TUT7: variants seen among roughly 807,000 people sequenced by gnomAD.
The protein encoded by TUT7 is terminal uridylyl transferase 7, also known as terminal uridylyltransferase 7.
TUT7 carries 33 observed loss-of-function variants against 165.9 expected under a neutral mutation model. The ratio of observed to expected loss-of-function variants is 0.20; its 90% CI spans 0.15 to 0.27. TUT7 has a LOEUF of 0.27. Ranked by LOEUF, TUT7 falls within the 10% of genes least tolerant of loss-of-function variation. The probability of loss-of-function intolerance (pLI) is 1.00; values close to 1 mark genes in which losing one functional copy is unlikely to be tolerated. For synonymous variants in TUT7, 552 were observed against 608.1 expected (o/e 0.91, Z 1.36); for missense variants, 1,338 against 1,762.3 (o/e 0.76, Z 4.31).
intron 3 of TUT7, 99 bp downstream of exon 3, chr9:86,346,200 T>A: frequency 1.7e-6 from 2 of 1,149,050 alleles, no homozygotes; most frequent in Non-Finnish European, 2.5e-6. Context: ...ATAACCAAAG[T>A]AGGATATCTA....
intron 26 of TUT7, among the ~76,000 whole-genome samples, chr9:86,297,094 TAAG>T (rs1276343904): frequency 6.6e-6 from 1 of 152,230 alleles, no homozygotes; most frequent in Non-Finnish European, 1.5e-5. Flanking sequence ...GGTTTTTTAC[TAAG>T]AAGATAATTA....
rs1213606369 is a variant in TUT7 at position 86,328,414 on chromosome 9, T to C, written c.1534A>G (p.Thr512Ala). 1.2e-6 allele frequency: 2 copies of C among 1,613,366 alleles called. No homozygotes were observed. Among genetic ancestry groups the C allele is most frequent in the African/African-American group, 2.7e-5 (2 of 74,874 alleles). Residue 512 changes from threonine to alanine, a missense_variant, in exon 11 of 27, where the codon ACT becomes GCT. Transcript: ENST00000375963. ...CCTGTGTCCCCTGCAGCACTGTCAG[T>C]ATGTTCCCAGATCACAACATCTTTT... ...IEKDVVIWEHTDSAAGDTGIT... is the reference protein window; with the variant it reads ...IEKDVVIWEHADSAAGDTGIT...
Position 86,322,309 on chromosome 9 carries a change from A to C in TUT7, c.3028+16T>G. The C allele has an allele frequency of 6.2e-7, 1 of 1,603,480 alleles. No individual in the cohort carries two copies. Among genetic ancestry groups the C allele is most frequent in the Non-Finnish European group, 8.5e-7 (1 of 1,174,494 alleles). On this transcript the variant is annotated intron_variant, in intron 14 of 26. Coordinates refer to ENST00000375963, the MANE Select transcript of TUT7 (RefSeq NM_024617.4). ...TTTAATATTTTGACAAATCAAAAGAAATGTGAATAACTTACTATAACACTG... is the reference window on the plus strand; with the variant it reads ...TTTAATATTTTGACAAATCAAAAGACATGTGAATAACTTACTATAACACTG...
intron 10 of TUT7, among the ~76,000 whole-genome samples, chr9:86,331,046 T>G (rs1162351901): frequency 6.6e-6 from 1 of 151,946 alleles, no homozygotes; most frequent in Non-Finnish European, 1.5e-5. Context: ...TGCCAAACTA[T>G]CTTACATTTT....
At position 86,308,546 on chromosome 9, in the gene TUT7, G is replaced by A; in HGVS notation, c.3721C>T (p.Leu1241Phe). The A allele has an allele frequency of 1.9e-6, 3 of 1,613,784 alleles. No homozygotes were observed. The highest frequency in any genetic ancestry group is 2.5e-6 in the Non-Finnish European group (3 of 1,179,886). Residue 1241 changes from leucine (L) to phenylalanine (F), a missense_variant, in exon 22 of 27, where the codon CTT becomes TTT. Around this residue, in one of 7 missense-constraint regions of TUT7, gnomAD observed 157 missense variants for 357.5 expected, o/e 0.44. Coordinates refer to ENST00000375963, the MANE Select transcript of TUT7 (RefSeq NM_024617.4). ...AATTCCTCTGTGTAGAAACGAAGAA[G>A]GCCCAACCATAACTGCCCAACAGAT... ...TESVGQLWLG[L>F]LRFYTEEFDF...
At position 86,298,679 on chromosome 9, in the gene TUT7, A is replaced by AT. The variant is rs1397621382; in HGVS notation, c.4420+2596dup. 8 of 611,476 alleles carry AT rather than the reference A, an allele frequency of 1.3e-5. No individual in the cohort carries two copies. The East Asian group carries it at 5.6e-4, about 43-fold the overall frequency. 37.9% of individuals were successfully genotyped at this position (611,476 alleles called of 1,614,324 possible). On this transcript the variant is annotated intron_variant, in intron 26 of 26. Transcript: ENST00000375963. The stretch of plus-strand genomic sequence containing the variant: ...GATGTCCAATCCCTGTTAAAAGCAC[A>AT]TATTTGGAGAAAAAGTCTCAAAAGG...
chr9:86,351,712 A>G (rs1206980602), intron 2 of TUT7, among the ~76,000 whole-genome samples: 1 of 152,216 alleles, frequency 6.6e-6, no homozygotes, highest in Non-Finnish European at 1.5e-5. Context: ...GTGATCTAGA[A>G]AGTGTCCATA....
chr9:86,303,210 AC>A lies in TUT7; in HGVS notation c.3979-10del. ...GGATCAAAAAAGTATTCCTAGAAGA[AC>A]ATAAATATATAAAAGCCTGAACTAT... On this transcript the variant is annotated splice_polypyrimidine_tract_variant and intron_variant, in intron 24 of 26. Transcript: ENST00000375963. 6.8e-7 allele frequency: 1 copy of A among 1,480,664 alleles called. No homozygotes were observed. Among genetic ancestry groups the A allele is most frequent in the South Asian group, 1.2e-5 (1 of 84,934 alleles). 91.7% of individuals were successfully genotyped at this position (1,480,664 alleles called of 1,614,324 possible).
intron 25 of TUT7, among the ~76,000 whole-genome samples, chr9:86,302,602 G>C (rs914380925): frequency 7.2e-6 from 1 of 139,568 alleles, no homozygotes; most frequent in African/African-American, 2.7e-5. Context: ...ACAGGCATGA[G>C]CTACTACACC....
At chr9:86,289,013 T>C (rs1006455782) in intron 26 of TUT7, among the ~76,000 whole-genome samples, 1 of 152,224 alleles carries the variant, frequency 6.6e-6, no homozygotes, top group Admixed American at 6.5e-5. Flanking sequence ...TATTTCCATG[T>C]TGGTACAGAG....
chr9:86,294,274 C>CAAAA (rs11338696), intron 26 of TUT7, among the ~76,000 whole-genome samples: 4 of 96,814 alleles, frequency 4.1e-5, no homozygotes, highest in African/African-American at 8.1e-5. Context: ...TGCCATGAGG[C>CAAAA]AAAAAAAAAA....
chr9:86,345,673 A>ATGTTTTTCTTGTGCC lies in TUT7; in HGVS notation c.800_814dup (p.Arg267_Asn271dup). 6.2e-7 allele frequency: 1 copy of ATGTTTTTCTTGTGCC among 1,606,054 alleles called. No individual in the cohort carries two copies. The highest frequency in any genetic ancestry group is 8.5e-7 in the Non-Finnish European group (1 of 1,173,464). On this transcript the variant is annotated inframe_insertion, in exon 4 of 27. Transcript: ENST00000375963. ...TTTGGGTTACATTCAATTTACCTTA[A>ATGTTTTTCTTGTGCC]TGTTTTTCTTGTGCCTCTTTTCCTT...
At chr9:86,290,481 T>C (rs1209910636) in intron 26 of TUT7, among the ~76,000 whole-genome samples, 2 of 152,134 alleles carry the variant, frequency 1.3e-5, no homozygotes, top group African/African-American at 4.8e-5. Flanking sequence ...CTGTATTATT[T>C]ATGCCACAAA....
rs1268359220 is a variant in TUT7, at chr9:86,353,219, C to T, written c.-20G>A. 7 of 1,538,572 alleles carry T rather than the reference C, an allele frequency of 4.5e-6. No homozygotes were observed. The highest frequency in any genetic ancestry group is 6.1e-6 in the Non-Finnish European group (7 of 1,149,354). ...TCCCATGGTCTTTGACTTCAATTTTCTTACTTTGCACCTGAAAGAAGGTAT... is the reference window on the plus strand; with the variant it reads ...TCCCATGGTCTTTGACTTCAATTTTTTTACTTTGCACCTGAAAGAAGGTAT... On this transcript the variant is annotated 5_prime_UTR_variant, in exon 2 of 27. Coordinates refer to ENST00000375963, the MANE Select transcript of TUT7 (RefSeq NM_024617.4).
chr9:86,294,529 A>G (rs1826142632), intron 26 of TUT7, among the ~76,000 whole-genome samples: 2 of 151,972 alleles, frequency 1.3e-5, no homozygotes, highest in Middle Eastern at 3.4e-3. Flanking sequence ...AAGTATTTCT[A>G]TTATTTTTAA....
rs41283663 is a variant in TUT7, at chr9:86,337,366, T to G, written c.1455+53A>C. 2,558 of 1,563,146 alleles carry G rather than the reference T, an allele frequency of 1.6e-3. 4 individuals carry two copies. The highest frequency in any genetic ancestry group is 2.0e-3 in the Non-Finnish European group (2,368 of 1,155,990). ...TTTGAAATTATGCAAAATTTAATTGTGGACCTGTAATAAAATCTGTTCAGA... is the reference window on the plus strand; with the variant it reads ...TTTGAAATTATGCAAAATTTAATTGGGGACCTGTAATAAAATCTGTTCAGA... On this transcript the variant is annotated intron_variant, in intron 10 of 26. Transcript: ENST00000375963.
At position 86,295,884 on chromosome 9, in the gene TUT7, T is replaced by C. The variant is rs557666020; in HGVS notation, c.4420+5392A>G. Among the ~76,000 whole-genome samples, 15 of 151,858 alleles carry C rather than the reference T, an allele frequency of 9.9e-5. No individual in the cohort carries two copies. The East Asian group carries it at 2.9e-3, about 29-fold the overall frequency. On this transcript the variant is annotated intron_variant, in intron 26 of 26. Transcript: ENST00000375963. ...TTTTTGTTTTTTCGGTAATTTTCTT[T>C]ACCAAAAAAAGGGTAGGAAGGTTAA...
chr9:86,313,676 G>A lies in TUT7; in HGVS notation c.3275-2867C>T, dbSNP rs532673922. ...GGTCAGGCTAATTATCATTTCACCCGTTTTATTGATTCCAAGGATGCCAAT... is the reference window on the plus strand; with the variant it reads ...GGTCAGGCTAATTATCATTTCACCCATTTTATTGATTCCAAGGATGCCAAT... On this transcript the variant is annotated intron_variant, in intron 17 of 26. Coordinates refer to ENST00000375963, the MANE Select transcript of TUT7 (RefSeq NM_024617.4). Among the ~76,000 whole-genome samples the A allele has an allele frequency of 4.6e-4, 70 of 152,200 alleles. No individual in the cohort carries two copies. In the Middle Eastern group the frequency reaches 0.02, roughly 44 times the overall value.
intron 14 of TUT7, among the ~76,000 whole-genome samples, chr9:86,320,368 T>C (rs1829152471): frequency 6.6e-6 from 1 of 152,022 alleles, no homozygotes; most frequent in Non-Finnish European, 1.5e-5. Context: ...GCTGAACATC[T>C]ATCCTTTAAA....
Sources: gnomAD v4.1 joint callset for allele counts (sites outside exome capture counted in the v4.1 genomes callset) on GRCh38, gnomAD v4.1.1 for gene constraint, gnomAD v4.1.1 regional missense constraint, MANE v1.5 for transcripts, NCBI Gene and HGNC (gene_info 2026-07-23, HGNC 2026-07-21) for gene names.